Variants in DIAPH2 observed in about 807,000 individuals in gnomAD.
DIAPH2 encodes diaphanous related formin 2, also known as protein diaphanous homolog 2.
A neutral mutation model predicts 92.7 loss-of-function variants in DIAPH2; 35 were observed. The observed-to-expected ratio is 0.38, with a 90% CI of 0.29 to 0.50. The LOEUF is 0.50. DIAPH2 is among the 20% of genes least tolerant of loss of function. The probability of loss-of-function intolerance (pLI) is 0.94; values close to 1 mark genes in which losing one functional copy is unlikely to be tolerated. For missense variants in DIAPH2, 701 were observed against 819.5 expected (o/e 0.86, Z 1.77); for synonymous variants, 301 against 280.4 (o/e 1.07, Z -0.73).
intron 4 of DIAPH2, among the ~76,000 whole-genome samples, chrX:96,770,977 A>T (rs1348366403): frequency 9.0e-6 from 1 of 111,629 alleles, no homozygotes; most frequent in African/African-American, 3.3e-5. Flanking sequence ...ATATGTTTTG[A>T]AAGGTTTTGT....
intron 20 of DIAPH2, among the ~76,000 whole-genome samples, chrX:97,102,460 A>C (rs1293527013): frequency 8.9e-6 from 1 of 111,942 alleles, no homozygotes; most frequent in African/African-American, 3.3e-5. Context: ...ATTCTCTGTC[A>C]AGCCTCAGAA....
intron 22 of DIAPH2, among the ~76,000 whole-genome samples, chrX:97,167,020 T>C (rs1358063601): frequency 8.9e-6 from 1 of 112,438 alleles, no homozygotes; most frequent in Non-Finnish European, 1.9e-5. Flanking sequence ...TAACTAATAT[T>C]GGTGCATGTA....
At chrX:97,539,861 A>G (rs182976211) in intron 26 of DIAPH2, among the ~76,000 whole-genome samples, 3 of 111,837 alleles carry the variant, frequency 2.7e-5, no homozygotes, top group East Asian at 2.8e-4. Flanking sequence ...AAAAAAATAC[A>G]CAAATTTATA....
chrX:97,172,554 A>T (rs1051135718), intron 22 of DIAPH2, among the ~76,000 whole-genome samples: 3 of 112,002 alleles, frequency 2.7e-5, no homozygotes, highest in African/African-American at 9.7e-5. Flanking sequence ...ATTAATAAGT[A>T]AGATAAAATG....
At chrX:97,493,405 G>T (rs954666028) in intron 26 of DIAPH2, among the ~76,000 whole-genome samples, 2 of 110,698 alleles carry the variant, frequency 1.8e-5, no homozygotes, top group South Asian at 7.8e-4. Context: ...GGGATTACAG[G>T]CATGCGCCAC....
chrX:97,108,944 T>G (rs1413178130), intron 20 of DIAPH2, among the ~76,000 whole-genome samples: 10 of 111,765 alleles, frequency 8.9e-5, no homozygotes, highest in Non-Finnish European at 5.6e-5. Context: ...GAATAAAGAA[T>G]GTAATAACAA....
At chrX:97,088,979 T>C (rs2066803701) in intron 19 of DIAPH2, among the ~76,000 whole-genome samples, 1 of 110,848 alleles carries the variant, frequency 9.0e-6, no homozygotes. Context: ...GTCAGTGTGT[T>C]CGGTACACTA....
At chrX:97,419,241 C>T (rs895857748) in intron 25 of DIAPH2, among the ~76,000 whole-genome samples, 1 of 111,662 alleles carries the variant, frequency 9.0e-6, no homozygotes, top group African/African-American at 3.3e-5. Flanking sequence ...ATATGCTTGT[C>T]GTTGACAGTA....
At chrX:97,169,635 A>C (rs901391526) in intron 22 of DIAPH2, among the ~76,000 whole-genome samples, 1 of 111,796 alleles carries the variant, frequency 8.9e-6, no homozygotes, top group African/African-American at 3.3e-5. Context: ...GAGCCAAGGT[A>C]GGCAAATTGC....
At chrX:97,425,807 GGTGTGTGTGTGTATGTATATGT>G (rs1485570677) in intron 25 of DIAPH2, among the ~76,000 whole-genome samples, 1 of 93,117 alleles carries the variant, frequency 1.1e-5, no homozygotes, top group Non-Finnish European at 2.2e-5. Flanking sequence ...TCATATACTG[GGTGTGTGTGTGTATGTATATGT>G]GTGTGTGTGT....
chrX:97,357,650 G>A (rs1181209623), intron 24 of DIAPH2, among the ~76,000 whole-genome samples: 1 of 111,268 alleles, frequency 9.0e-6, no homozygotes, highest in East Asian at 2.8e-4. Flanking sequence ...GCCTACTGTG[G>A]GTCAAACACA....
chrX:97,263,160 C>T (rs187297001), intron 23 of DIAPH2, among the ~76,000 whole-genome samples: 1 of 112,316 alleles, frequency 8.9e-6, no homozygotes, highest in East Asian at 2.8e-4. Context: ...TAGGATAGCA[C>T]ATGCATTAGA....
At chrX:97,153,578 T>C (rs1483739749) in intron 22 of DIAPH2, among the ~76,000 whole-genome samples, 1 of 111,314 alleles carries the variant, frequency 9.0e-6, no homozygotes, top group Non-Finnish European at 1.9e-5. Flanking sequence ...AGAACGAAAC[T>C]CTGTCTCAAA....
At chrX:97,107,589 T>C (rs1219380729) in intron 20 of DIAPH2, among the ~76,000 whole-genome samples, 3 of 111,881 alleles carry the variant, frequency 2.7e-5, no homozygotes, top group Non-Finnish European at 3.8e-5. Flanking sequence ...GGCAGAAATC[T>C]GGTCAGTATT....
intron 26 of DIAPH2, among the ~76,000 whole-genome samples, chrX:97,550,410 G>A (rs1369936710): frequency 2.7e-5 from 3 of 111,857 alleles, no homozygotes; most frequent in African/African-American, 6.5e-5. Flanking sequence ...GGGACAATCT[G>A]GTCTTTCATA....
At position 96,895,983 on chromosome X, in the gene DIAPH2, G is replaced by C. The variant is rs145881576; in HGVS notation, c.587+14265G>C. On this transcript the variant is annotated intron_variant, in intron 5 of 26. Coordinates refer to ENST00000324765, the MANE Select transcript of DIAPH2 (RefSeq NM_006729.5). ...ATTCCTAATATTTGTGAAGTATTTT[G>C]TGTCAGACCAAATACCAACTAATAG... Among the ~76,000 whole-genome samples, 359 of 111,459 alleles carry C rather than the reference G, an allele frequency of 3.2e-3. 1 individual carries two copies. The highest frequency in any genetic ancestry group is 0.011 in the African/African-American group (341 of 30,744).
chrX:97,478,083 G>A (rs770229040), intron 26 of DIAPH2, among the ~76,000 whole-genome samples: 6 of 111,826 alleles, frequency 5.4e-5, no homozygotes, highest in Admixed American at 9.6e-5. Flanking sequence ...TTCATTTGTG[G>A]AGTTTTCCAA....
intron 25 of DIAPH2, among the ~76,000 whole-genome samples, chrX:97,424,620 CTTTA>C (rs140707622): frequency 0.38 from 41,309 of 109,163 alleles, 5,747 homozygotes; most frequent in East Asian, 0.55. Context: ...TCCCACTTGA[CTTTA>C]TTTATTTTGA....
intron 4 of DIAPH2, among the ~76,000 whole-genome samples, chrX:96,861,495 C>A (rs931085196): frequency 3.6e-5 from 4 of 111,589 alleles, no homozygotes; most frequent in Non-Finnish European, 7.5e-5. Context: ...TCCCATTACC[C>A]CTGTCACCTT....
Sources: allele counts gnomAD v4.1 joint callset (sites outside exome capture counted in the v4.1 genomes callset), GRCh38; gene constraint gnomAD v4.1.1; transcripts MANE v1.5; gene names NCBI Gene and HGNC (gene_info 2026-07-23, HGNC 2026-07-21).